Variants in MYO6 observed in about 807,000 individuals in gnomAD.
MYO6 encodes the protein myosin VI.
A neutral mutation model predicts 178.7 loss-of-function variants in MYO6; 74 were observed. That is an observed-to-expected ratio of 0.41 (90% CI 0.34 to 0.50). The LOEUF (loss-of-function observed/expected upper bound fraction) is 0.50. MYO6 is among the 20% of genes least tolerant of loss of function. MYO6 has a pLI of 0.09. For synonymous variants in MYO6, 477 were observed against 504.6 expected (o/e 0.95, Z 0.73); for missense variants, 1,330 against 1,547.4 (o/e 0.86, Z 2.36).
At chr6:75,896,867 G>A (rs1391423810) in intron 29 of MYO6, among the ~76,000 whole-genome samples, 1 of 152,192 alleles carries the variant, frequency 6.6e-6, no homozygotes, top group African/African-American at 2.4e-5. Context: ...AATTAAATAA[G>A]CCCGCAATCA....
At chr6:75,776,652 C>CAG (rs910795998) in intron 1 of MYO6, among the ~76,000 whole-genome samples, 4 of 98,772 alleles carry the variant, frequency 4.0e-5, no homozygotes, top group Non-Finnish European at 6.6e-5. Flanking sequence ...TAGAAACGTG[C>CAG]AGTGTGTGTG....
At chr6:75,913,917 A>G in intron 33 of MYO6, 146 bp from the exon 34 acceptor site, 1 of 665,678 alleles carries the variant, frequency 1.5e-6, no homozygotes, top group Admixed American at 2.9e-5. Context: ...ATTAATTTGT[A>G]GGCAATAAAT....
chr6:75,754,988 G>A (rs1777227901), intron 1 of MYO6, among the ~76,000 whole-genome samples: 9 of 152,180 alleles, frequency 5.9e-5, no homozygotes, highest in Admixed American at 5.9e-4. Flanking sequence ...CCAGCACTTT[G>A]GGAGGCTGAG....
chr6:75,861,539 TCA>T (rs67633064), intron 15 of MYO6, among the ~76,000 whole-genome samples: 15,716 of 152,226 alleles, frequency 0.1, 968 homozygotes, highest in Non-Finnish European at 0.14. Context: ...GCTTCATGTG[TCA>T]CAGCCAGATA....
At chr6:75,754,446 G>A (rs1314800637) in intron 1 of MYO6, among the ~76,000 whole-genome samples, 1 of 147,400 alleles carries the variant, frequency 6.8e-6, no homozygotes, top group African/African-American at 2.5e-5. Flanking sequence ...CTTGAACCTG[G>A]CAGGTGGAAG....
chr6:75,845,315 A>G (rs1306820717), intron 10 of MYO6, among the ~76,000 whole-genome samples: 1 of 152,200 alleles, frequency 6.6e-6, no homozygotes, highest in East Asian at 1.9e-4. Flanking sequence ...GAGCTTAAGT[A>G]TATGTCTTTT....
chr6:75,792,541 T>C (rs930955534), intron 1 of MYO6, among the ~76,000 whole-genome samples: 1 of 152,330 alleles, frequency 6.6e-6, no homozygotes, highest in African/African-American at 2.4e-5. Flanking sequence ...ACGTTTCCTA[T>C]TTCTACCTCT....
intron 1 of MYO6, among the ~76,000 whole-genome samples, chr6:75,794,457 C>A (rs1187182996): frequency 2.0e-5 from 3 of 152,074 alleles, no homozygotes; most frequent in African/African-American, 7.2e-5. Context: ...TAATCAGGAA[C>A]CTAAAAGGCA....
chr6:75,906,824 C>T (rs1459874619), intron 30 of MYO6, among the ~76,000 whole-genome samples: 1 of 152,182 alleles, frequency 6.6e-6, no homozygotes, highest in Non-Finnish European at 1.5e-5. Context: ...CCCATATGTG[C>T]TACTAAATGA....
At chr6:75,912,485 A>G (rs991210114) in intron 33 of MYO6, among the ~76,000 whole-genome samples, 6 of 152,072 alleles carry the variant, frequency 3.9e-5, no homozygotes, top group African/African-American at 1.2e-4. Flanking sequence ...GTCTTCCCCA[A>G]CAAAATTTCA....
intron 1 of MYO6, among the ~76,000 whole-genome samples, chr6:75,759,126 T>G (rs1017337689): frequency 6.6e-6 from 1 of 152,136 alleles, no homozygotes; most frequent in African/African-American, 2.4e-5. Context: ...CGCCTCAGTC[T>G]CCCAAAGTGC....
intron 15 of MYO6, among the ~76,000 whole-genome samples, chr6:75,861,453 G>T (rs984803126): frequency 2.0e-5 from 3 of 152,180 alleles, no homozygotes; most frequent in Non-Finnish European, 4.4e-5. Flanking sequence ...GTCAGGGTTT[G>T]CCCTGCTTTT....
In MYO6 at chr6:75,914,149, A is replaced by T; in HGVS notation, c.3526A>T (p.Ile1176Phe). The part of the protein sequence containing the change: ...RQQRFFRIPF[I>F]RPADQYKDPQ... ...GCAACGCTTCTTCCGCATCCCATTC[A>T]TCCGCCCTGCCGACCAGTACAAAGA... Residue 1176 changes from isoleucine to phenylalanine, a missense_variant, in exon 34 of 35, where the codon ATC becomes TTC. Coordinates refer to ENST00000369977, the MANE Select transcript of MYO6 (RefSeq NM_004999.4). The T allele has an allele frequency of 6.2e-7, 1 of 1,614,158 alleles. No homozygotes were observed. Among genetic ancestry groups the T allele is most frequent in the South Asian group, 1.1e-5 (1 of 91,076 alleles).
chr6:75,909,866 C>T (rs1324673245), intron 32 of MYO6, among the ~76,000 whole-genome samples: 2 of 152,106 alleles, frequency 1.3e-5, no homozygotes. Context: ...TCACTACCTT[C>T]CAAGTAAATA....
In MYO6 at chr6:75,885,997, C is replaced by T. The variant is rs780107622; in HGVS notation, c.2417-7C>T. 2.6e-6 allele frequency: 4 copies of T among 1,529,934 alleles called. No homozygotes were observed. The Admixed American group carries it at 5.0e-5, about 19-fold the overall frequency. 94.8% of individuals were successfully genotyped at this position (1,529,934 alleles called of 1,614,324 possible). A position where few individuals can be genotyped will look rare whatever the true frequency, so the allele number is the denominator to read the frequency against. ...TTTCTATCATTTTATTTTACTCTTA[C>T]ACATAGTGAAAAACAAAATAAAATA... is the stretch of plus-strand genomic sequence containing the variant. On this transcript the variant is annotated splice_polypyrimidine_tract_variant and splice_region_variant and intron_variant, in intron 23 of 34. Coordinates refer to ENST00000369977, the MANE Select transcript of MYO6 (RefSeq NM_004999.4).
chr6:75,805,021 A>ATATATATATATATTTTT (rs1252912172), intron 1 of MYO6, among the ~76,000 whole-genome samples: 5 of 77,308 alleles, frequency 6.5e-5, no homozygotes, highest in African/African-American at 4.1e-4. Flanking sequence ...ATATATATAT[A>ATATATATATATATTTTT]TTTTTTTTTT....
rs923665146 is a variant in MYO6, at chr6:75,774,725, C to A, written c.-48+25302C>A. 1.9e-4 allele frequency among the ~76,000 whole-genome samples: 29 copies of A among 151,972 alleles called. 1 individual carries two copies. The highest frequency in any genetic ancestry group is 7.4e-5 in the Non-Finnish European group (5 of 67,992). Reference sequence around the variant, plus strand: ...TCTTCCCCTTAGCTTTAATTTTAATCCCTTCCCCCCACTTTTATGAAGTGG... The same window carrying A: ...TCTTCCCCTTAGCTTTAATTTTAATACCTTCCCCCCACTTTTATGAAGTGG... On this transcript the variant is annotated intron_variant, in intron 1 of 34. Transcript: ENST00000369977.
chr6:75,912,691 T>C lies in MYO6; in HGVS notation c.3439+993T>C, dbSNP rs79910892. Among the ~76,000 whole-genome samples, 1,403 of 152,194 alleles carry C rather than the reference T, an allele frequency of 9.2e-3. 24 individuals carry two copies. Among genetic ancestry groups the C allele is most frequent in the African/African-American group, 0.032 (1,349 of 41,570 alleles). On this transcript the variant is annotated intron_variant, in intron 33 of 34. Coordinates refer to ENST00000369977, the MANE Select transcript of MYO6 (RefSeq NM_004999.4). ...ACTACTTTAGATGGAGGGAAGGTTTTTAAATTCTTAGTTTTGAATTAGTAC... is the reference window on the plus strand; with the variant it reads ...ACTACTTTAGATGGAGGGAAGGTTTCTAAATTCTTAGTTTTGAATTAGTAC...
chr6:75,808,196 A>G (rs1190729169), intron 1 of MYO6, among the ~76,000 whole-genome samples: 8 of 152,196 alleles, frequency 5.3e-5, no homozygotes, highest in Admixed American at 3.9e-4. Context: ...AATACCACAA[A>G]CGTTTGTATT....
Sources: gnomAD v4.1 joint callset for allele counts (sites outside exome capture counted in the v4.1 genomes callset) on GRCh38, gnomAD v4.1.1 for gene constraint, MANE v1.5 for transcripts, NCBI Gene and HGNC (gene_info 2026-07-23, HGNC 2026-07-21) for gene names.